The following CRYZL1 variants were observed in gnomAD, a reference collection of about 807,000 sequenced individuals.
CRYZL1 encodes the protein crystallin zeta like 1.
A neutral mutation model predicts 50.6 loss-of-function variants in CRYZL1; 34 were observed. That is an observed-to-expected ratio of 0.67 (90% CI 0.51 to 0.89). The LOEUF is 0.89. Among genes scored for constraint, CRYZL1 ranks in the 40% least tolerant of loss-of-function variants. CRYZL1 has a pLI of 0.00. For missense variants in CRYZL1, 354 were observed against 402.3 expected, an observed-to-expected ratio of 0.88 and a Z score of 1.03; for synonymous variants, 125 against 134.3, an observed-to-expected ratio of 0.93 and a Z score of 0.48.
At chr21:33,597,029 C>T (rs1165005988) in intron 10 of CRYZL1, among the ~76,000 whole-genome samples, 1 of 152,000 alleles carries the variant, frequency 6.6e-6, no homozygotes, top group Non-Finnish European at 1.5e-5. Context: ...GCCACCATGC[C>T]TGGCTAATTT....
intron 6 of CRYZL1, among the ~76,000 whole-genome samples, chr21:33,606,766 A>G (rs916354836): frequency 6.6e-6 from 1 of 151,200 alleles, no homozygotes; most frequent in African/African-American, 2.4e-5. Context: ...TCCCAGCACT[A>G]TGGGAGGCCG....
intron 2 of CRYZL1, among the ~76,000 whole-genome samples, chr21:33,627,739 G>GTT (rs35217060): frequency 0.013 from 1,084 of 84,304 alleles, 1 homozygote; most frequent in South Asian, 0.027. Flanking sequence ...ATGAGACATG[G>GTT]TTTTTTTTTT....
At chr21:33,612,131 T>C (rs1476272616) in intron 6 of CRYZL1, among the ~76,000 whole-genome samples, 1 of 152,170 alleles carries the variant, frequency 6.6e-6, no homozygotes, top group Admixed American at 6.6e-5. Flanking sequence ...GCACATCAAA[T>C]TTCCATAGGC....
At chr21:33,618,540 G>C (rs559014310) in intron 4 of CRYZL1, among the ~76,000 whole-genome samples, 1 of 152,292 alleles carries the variant, frequency 6.6e-6, no homozygotes, top group East Asian at 1.9e-4. Context: ...CAAGGAAGCT[G>C]ACATGAAGCG....
At chr21:33,605,530 C>CT (rs146096008) in intron 6 of CRYZL1, among the ~76,000 whole-genome samples, 4 of 53,188 alleles carry the variant, frequency 7.5e-5, no homozygotes, top group Admixed American at 3.3e-4. Flanking sequence ...TACAAGAATT[C>CT]TTTTTTTTTT....
At chr21:33,641,065 G>A in intron 1 of CRYZL1, 1 of 1,487,094 alleles carries the variant, frequency 6.7e-7, no homozygotes, top group African/African-American at 1.4e-5. Flanking sequence ...TATTTGTACT[G>A]GACAGAGTTC....
Position 33,599,174 on chromosome 21 carries a change from C to T in CRYZL1, c.652G>A (p.Val218Ile). 1 of 1,614,046 alleles carries T rather than the reference C, an allele frequency of 6.2e-7. No individual in the cohort carries two copies. The highest frequency in any genetic ancestry group is 8.5e-7 in the Non-Finnish European group (1 of 1,179,954). ...CCTCCAGCATCTAGGACAATATCTA[C>T]TCCCAGGCCACCTGTTTCTTCCAAA... ...SCLEETGGLG[V>I]DIVLDAGVRL... The change falls in exon 9 of 13, where the codon GTA becomes ATA. Residue 218 changes from valine (V) to isoleucine (I), a missense_variant. Coordinates refer to ENST00000381554, the MANE Select transcript of CRYZL1 (RefSeq NM_145858.3).
chr21:33,639,263 T>C (rs1038857482), intron 1 of CRYZL1, among the ~76,000 whole-genome samples: 2 of 152,190 alleles, frequency 1.3e-5, no homozygotes, highest in African/African-American at 2.4e-5. Flanking sequence ...GTTGGAGACG[T>C]GGGATGGTCA....
intron 4 of CRYZL1, among the ~76,000 whole-genome samples, chr21:33,619,521 A>G (rs1269196639): frequency 6.6e-6 from 1 of 152,034 alleles, no homozygotes; most frequent in Non-Finnish European, 1.5e-5. Context: ...ATTTTGTACA[A>G]TATCTTTTAT....
At chr21:33,597,673 C>T (rs1448811737) in intron 9 of CRYZL1, among the ~76,000 whole-genome samples, 2 of 151,974 alleles carry the variant, frequency 1.3e-5, no homozygotes, top group South Asian at 2.1e-4. Context: ...AGTGCAGTGG[C>T]GCGATCTAGG....
chr21:33,603,501 G>A lies in CRYZL1; in HGVS notation c.368C>T (p.Ala123Val), dbSNP rs778285191. Residue 123 changes from alanine (A) to valine (V), a missense_variant, in exon 7 of 13, where the codon GCA becomes GTA. Ala to Val is a moderately conservative substitution (Grantham distance 64). Coordinates refer to ENST00000381554, the MANE Select transcript of CRYZL1 (RefSeq NM_145858.3). ...KPEKVTWTEAAGSIRDGVRAY... is the reference protein window; with the variant it reads ...KPEKVTWTEAVGSIRDGVRAY... ...ACGCACTCCATCCCGAATGCTTCCT[G>A]CTGCTTCCGTCCATGTGACCTTTTC... 7 of 1,614,146 alleles carry A rather than the reference G, an allele frequency of 4.3e-6. No individual in the cohort carries two copies. Among genetic ancestry groups the A allele is most frequent in the Non-Finnish European group, 5.9e-6 (7 of 1,180,044 alleles).
intron 2 of CRYZL1, among the ~76,000 whole-genome samples, chr21:33,625,158 A>ATT (rs35814819): frequency 3.5e-5 from 5 of 143,498 alleles, no homozygotes; most frequent in Non-Finnish European, 4.6e-5. Context: ...ACCTTTACTG[A>ATT]TTTTTTTTTT....
At chr21:33,618,012 G>A (rs538241795) in intron 4 of CRYZL1, among the ~76,000 whole-genome samples, 6 of 152,170 alleles carry the variant, frequency 3.9e-5, no homozygotes, top group African/African-American at 7.2e-5. Context: ...AATGATGGCC[G>A]GGCGCGGTGG....
At chr21:33,623,330 C>T (rs2087023663) in intron 3 of CRYZL1, among the ~76,000 whole-genome samples, 1 of 152,098 alleles carries the variant, frequency 6.6e-6, no homozygotes, top group South Asian at 2.1e-4. Flanking sequence ...CATCCTGGCT[C>T]CTTCACTTAC....
intron 12 of CRYZL1, among the ~76,000 whole-genome samples, chr21:33,590,205 A>T (rs185899152): frequency 6.6e-6 from 1 of 152,144 alleles, no homozygotes; most frequent in East Asian, 1.9e-4. Context: ...TTTAGTAGAG[A>T]TGGGTTTCAC....
At chr21:33,621,030 C>G (rs1247693541) in intron 4 of CRYZL1, among the ~76,000 whole-genome samples, 1 of 145,620 alleles carries the variant, frequency 6.9e-6, no homozygotes, top group African/African-American at 2.5e-5. Flanking sequence ...CTCAGCCTCC[C>G]GAGTAGCTGG....
At chr21:33,603,311 A>T (rs2086775033) in intron 7 of CRYZL1, 93 bp downstream of exon 7, 3 of 1,473,220 alleles carry the variant, frequency 2.0e-6, no homozygotes, top group Admixed American at 3.9e-5. Flanking sequence ...AGCTATTGGC[A>T]AAGAATTATA....
At chr21:33,602,496 G>A in intron 7 of CRYZL1, 151 bp from the exon 8 acceptor site, 2 of 445,962 alleles carry the variant, frequency 4.5e-6, no homozygotes, top group Non-Finnish European at 7.9e-6. Flanking sequence ...GCAAAGTTAT[G>A]GGCAAGTTTA....
intron 1 of CRYZL1, among the ~76,000 whole-genome samples, chr21:33,634,088 T>C (rs2145962381): frequency 6.6e-6 from 1 of 152,356 alleles, no homozygotes; most frequent in Admixed American, 6.5e-5. Context: ...GTATGTAGCA[T>C]GTATCAATGA....
Sources: allele counts gnomAD v4.1 joint callset (sites outside exome capture counted in the v4.1 genomes callset), GRCh38; gene constraint gnomAD v4.1.1; transcripts MANE v1.5; gene names NCBI Gene and HGNC (gene_info 2026-07-23, HGNC 2026-07-21).